FRMD3: variants seen among roughly 807,000 people sequenced by gnomAD.
FRMD3 encodes FERM domain containing 3.
A neutral mutation model predicts 70.2 loss-of-function variants in FRMD3; 33 were observed. That is an observed-to-expected ratio of 0.47 (90% CI 0.36 to 0.63). The LOEUF (loss-of-function observed/expected upper bound fraction) is 0.63, where lower values mean the gene tolerates loss of function less well. Ranked by LOEUF, FRMD3 falls within the 20% of genes least tolerant of loss-of-function variation. The pLI, the probability that FRMD3 is intolerant of heterozygous loss-of-function variation, is 0.00. For missense variants in FRMD3, 632 were observed against 711.4 expected (o/e 0.89, Z 1.27); for synonymous variants, 279 against 255.9 (o/e 1.09, Z -0.86).
At chr9:83,469,002 C>A (rs1402353683) in intron 1 of FRMD3, among the ~76,000 whole-genome samples, 5 of 152,196 alleles carry the variant, frequency 3.3e-5, no homozygotes, top group Non-Finnish European at 5.9e-5. Flanking sequence ...TAAAAGGGAT[C>A]AGTACTGGAA....
At chr9:83,342,043 ATCTCTC>A (rs112748690) in intron 5 of FRMD3, among the ~76,000 whole-genome samples, 51 of 139,648 alleles carry the variant, frequency 3.7e-4, no homozygotes, top group Admixed American at 7.9e-4. Context: ...TGACATAGTC[ATCTCTC>A]TCTCTCTCTC....
intron 1 of FRMD3, among the ~76,000 whole-genome samples, chr9:83,426,225 C>T (rs1414245698): frequency 1.3e-5 from 2 of 152,230 alleles, no homozygotes; most frequent in African/African-American, 4.8e-5. Flanking sequence ...GGCCAGAGGG[C>T]ACCACCTGGA....
At chr9:83,354,887 A>T (rs1824285866) in intron 3 of FRMD3, among the ~76,000 whole-genome samples, 1 of 152,022 alleles carries the variant, frequency 6.6e-6, no homozygotes, top group South Asian at 2.1e-4. Context: ...TACTACCTTG[A>T]AAAAAAATAA....
intron 1 of FRMD3, among the ~76,000 whole-genome samples, chr9:83,432,089 C>G (rs967583898): frequency 6.6e-6 from 1 of 152,200 alleles, no homozygotes; most frequent in African/African-American, 2.4e-5. Flanking sequence ...CATTCCCAAT[C>G]TAGTGGCTGG....
chr9:83,580,582 A>C, the FRMD3 span, among the ~76,000 whole-genome samples: 2 of 152,090 alleles, frequency 1.3e-5, no homozygotes, highest in Admixed American at 1.3e-4. Context: ...TAGCAGTAGA[A>C]AGCAGAATGA....
chr9:83,438,145 T>C (rs889251039), intron 1 of FRMD3, among the ~76,000 whole-genome samples: 3 of 152,190 alleles, frequency 2.0e-5, no homozygotes, highest in African/African-American at 7.2e-5. Flanking sequence ...AAATACCTTA[T>C]TGGATTTTCC....
At chr9:83,523,921 T>C (rs982699649) in intron 1 of FRMD3, among the ~76,000 whole-genome samples, 12 of 152,190 alleles carry the variant, frequency 7.9e-5, no homozygotes, top group African/African-American at 2.9e-4. Flanking sequence ...CCCCTGAGGT[T>C]TGGGAACACA....
intron 1 of FRMD3, among the ~76,000 whole-genome samples, chr9:83,522,170 T>C (rs1202467192): frequency 6.6e-6 from 1 of 152,264 alleles, no homozygotes; most frequent in African/African-American, 2.4e-5. Context: ...TATTCACACT[T>C]GAAATGTGAG....
At chr9:83,346,566 T>A (rs991437399) in intron 4 of FRMD3, among the ~76,000 whole-genome samples, 3 of 152,194 alleles carry the variant, frequency 2.0e-5, no homozygotes, top group African/African-American at 7.2e-5. Context: ...GGATGACCAC[T>A]TGGGTGCAAA....
intron 6 of FRMD3, among the ~76,000 whole-genome samples, chr9:83,334,896 G>A (rs1468893071): frequency 6.6e-6 from 1 of 152,186 alleles, no homozygotes; most frequent in African/African-American, 2.4e-5. Context: ...TCTGTAATAT[G>A]AGAATAACAA....
Position 83,246,402 on chromosome 9 carries a change from T to C in FRMD3, c.*1516A>G, listed in dbSNP as rs914602587. 1.4e-5 allele frequency: 14 copies of C among 984,624 alleles called. No homozygotes were observed. Among genetic ancestry groups the C allele is most frequent in the African/African-American group, 1.7e-5 (1 of 57,190 alleles). 61.0% of individuals were successfully genotyped at this position (984,624 alleles called of 1,614,324 possible). ...ACCTTCCTTGATACCATTAAATTGT[T>C]GGATTAAATCCTTTCCATCATGGAT... On this transcript the variant is annotated 3_prime_UTR_variant, in exon 14 of 14. Coordinates refer to ENST00000304195, the MANE Select transcript of FRMD3 (RefSeq NM_174938.6).
At chr9:83,271,946 T>G (rs973655638) in intron 13 of FRMD3, among the ~76,000 whole-genome samples, 3 of 152,160 alleles carry the variant, frequency 2.0e-5, no homozygotes, top group Non-Finnish European at 1.5e-5. Context: ...TCCAACTTAT[T>G]TATAAACGGA....
chr9:83,507,685 T>TACAC (rs1323260030), intron 1 of FRMD3, among the ~76,000 whole-genome samples: 3 of 23,748 alleles, frequency 1.3e-4, no homozygotes, highest in African/African-American at 3.1e-4. Flanking sequence ...AAAAAAAATA[T>TACAC]ACATACATAT....
chr9:83,308,569 G>C (rs920045642), intron 10 of FRMD3, among the ~76,000 whole-genome samples: 9 of 152,088 alleles, frequency 5.9e-5, no homozygotes, highest in African/African-American at 1.7e-4. Flanking sequence ...GCCTGAGCAG[G>C]GCTGGACTAG....
upstream of FRMD3, among the ~76,000 whole-genome samples, chr9:83,541,798 C>A (rs1299983759): frequency 6.6e-6 from 1 of 152,160 alleles, no homozygotes; most frequent in Non-Finnish European, 1.5e-5. Context: ...GGTGGCCAAG[C>A]ATCCAACTAG....
At chr9:83,409,740 T>C (rs1350219046) in intron 1 of FRMD3, among the ~76,000 whole-genome samples, 1 of 152,252 alleles carries the variant, frequency 6.6e-6, no homozygotes, top group Non-Finnish European at 1.5e-5. Context: ...GGAAAATGTA[T>C]GCTCAAGCAA....
intron 1 of FRMD3, among the ~76,000 whole-genome samples, chr9:83,484,038 G>A (rs540742559): frequency 6.6e-6 from 1 of 152,250 alleles, no homozygotes; most frequent in African/African-American, 2.4e-5. Flanking sequence ...CACTGAGAGA[G>A]GAAATTTATG....
At chr9:83,275,989 C>A (rs1220215053) in intron 13 of FRMD3, 2 of 152,212 alleles carry the variant, frequency 1.3e-5, no homozygotes, top group African/African-American at 4.8e-5. Context: ...ATCCGAGGCA[C>A]AATTATTGGC....
intron 1 of FRMD3, among the ~76,000 whole-genome samples, chr9:83,504,166 C>T (rs1482738075): frequency 1.3e-5 from 2 of 152,116 alleles, no homozygotes; most frequent in Non-Finnish European, 2.9e-5. Flanking sequence ...CAAGGCCAGG[C>T]CAGTGCTTAT....
Sources: allele counts gnomAD v4.1 joint callset (sites outside exome capture counted in the v4.1 genomes callset), GRCh38; gene constraint gnomAD v4.1.1; transcripts MANE v1.5; gene names NCBI Gene and HGNC (gene_info 2026-07-23, HGNC 2026-07-21).